Variants in NAA11 observed in about 807,000 individuals in gnomAD.
The protein encoded by NAA11 is N-alpha-acetyltransferase 11.
Under a neutral mutation model 16.1 loss-of-function variants are expected in NAA11, and 15 were observed. The ratio of observed to expected loss-of-function variants is 0.93; its 90% CI spans 0.62 to 1.44. The LOEUF (loss-of-function observed/expected upper bound fraction) is 1.44. Ranked by LOEUF, NAA11 falls within the 40% of genes most tolerant of loss-of-function variation. The probability of loss-of-function intolerance (pLI) is 0.00; values close to 1 mark genes in which losing one functional copy is unlikely to be tolerated. For synonymous variants in NAA11, 122 were observed against 112.4 expected (o/e 1.09, Z -0.54); for missense variants, 298 against 291.3 (o/e 1.02, Z -0.17).
chr4:79,283,525 A>T (rs1722841884), intron 2 of NAA11, among the ~76,000 whole-genome samples: 1 of 152,096 alleles, frequency 6.6e-6, no homozygotes, highest in South Asian at 2.1e-4. Flanking sequence ...AGATGAGGGA[A>T]TTTCTGTTTG....
chr4:79,268,236 A>G (rs1722394797), intron 2 of NAA11, among the ~76,000 whole-genome samples: 1 of 152,288 alleles, frequency 6.6e-6, no homozygotes, highest in African/African-American at 2.4e-5. Flanking sequence ...GGATGGCCTT[A>G]CATATCAATA....
chr4:79,180,715 C>T, the NAA11 span, among the ~76,000 whole-genome samples: 1 of 151,448 alleles, frequency 6.6e-6, no homozygotes, highest in African/African-American at 2.4e-5. Context: ...TTTGACCCAG[C>T]CATCCCATTA....
chr4:79,311,278 A>G (rs1381675176), intron 1 of NAA11, among the ~76,000 whole-genome samples: 3 of 152,250 alleles, frequency 2.0e-5, no homozygotes, highest in African/African-American at 7.2e-5. Flanking sequence ...CCCAATTATT[A>G]TAACAACTAC....
At chr4:79,216,425 A>G in the NAA11 span, among the ~76,000 whole-genome samples, 1 of 152,086 alleles carries the variant, frequency 6.6e-6, no homozygotes, top group Non-Finnish European at 1.5e-5. Flanking sequence ...TACATTTTGA[A>G]AGATTTCTTT....
chr4:79,283,308 A>T (rs1722837422), intron 2 of NAA11, among the ~76,000 whole-genome samples: 1 of 152,086 alleles, frequency 6.6e-6, no homozygotes, highest in African/African-American at 2.4e-5. Context: ...GGTTTTTTTA[A>T]TGCTAATGAA....
chr4:79,322,965 C>T (rs1255727345), intron 1 of NAA11, among the ~76,000 whole-genome samples: 4 of 151,974 alleles, frequency 2.6e-5, no homozygotes, highest in South Asian at 2.1e-4. Flanking sequence ...GTTATAGCTT[C>T]GGTTTTGGCA....
At chr4:79,201,469 T>C in the NAA11 span, among the ~76,000 whole-genome samples, 4 of 151,802 alleles carry the variant, frequency 2.6e-5, no homozygotes, top group African/African-American at 7.2e-5. Context: ...TTCATATTTA[T>C]TTTACTTTCT....
chr4:79,249,532 C>A (rs1017851900), intron 2 of NAA11, among the ~76,000 whole-genome samples: 4 of 152,120 alleles, frequency 2.6e-5, no homozygotes, highest in Non-Finnish European at 5.9e-5. Context: ...CAAACACCGG[C>A]TCTCTGAAAT....
chr4:79,287,694 G>GGA (rs143719268), intron 2 of NAA11, among the ~76,000 whole-genome samples: 2,156 of 145,932 alleles, frequency 0.015, 43 homozygotes, highest in African/African-American at 0.045. Context: ...AGAGAAAGAG[G>GGA]GAGAGAGAGA....
intron 2 of NAA11, among the ~76,000 whole-genome samples, chr4:79,273,385 T>C (rs915238469): frequency 6.6e-6 from 1 of 152,004 alleles, no homozygotes; most frequent in African/African-American, 2.4e-5. Flanking sequence ...AGAAAGCCAA[T>C]TTCAGACATA....
chr4:79,170,962 C>T, the NAA11 span, among the ~76,000 whole-genome samples: 123,831 of 152,088 alleles, frequency 0.81, 52,813 homozygotes, highest in East Asian at 1. Context: ...TCACTAAAAT[C>T]CAAGCTATGA....
chr4:79,311,487 A>C (rs1723767491), intron 1 of NAA11, among the ~76,000 whole-genome samples: 1 of 152,204 alleles, frequency 6.6e-6, no homozygotes, highest in South Asian at 2.1e-4. Flanking sequence ...CTCTGAATTC[A>C]GATTTCTATC....
chr4:79,302,373 CTTG>C, intron 1 of NAA11, among the ~76,000 whole-genome samples: 1 of 152,248 alleles, frequency 6.6e-6, no homozygotes, highest in East Asian at 1.9e-4. Context: ...CTGATTTATT[CTTG>C]TTAAGTTTAG....
chr4:79,196,907 G>A, the NAA11 span, among the ~76,000 whole-genome samples: 2 of 134,064 alleles, frequency 1.5e-5, no homozygotes, highest in African/African-American at 5.7e-5. Flanking sequence ...GAAGATAGAA[G>A]GGGCCATGAA....
At chr4:79,217,716 C>G in the NAA11 span, among the ~76,000 whole-genome samples, 1 of 152,098 alleles carries the variant, frequency 6.6e-6, no homozygotes, top group Admixed American at 6.6e-5. Context: ...TAGCTGATAT[C>G]AGTTGATGAT....
At chr4:79,224,686 G>A (rs1217855697), downstream of NAA11, among the ~76,000 whole-genome samples, 1 of 151,984 alleles carries the variant, frequency 6.6e-6, no homozygotes, top group Non-Finnish European at 1.5e-5. Flanking sequence ...TGTTATGAAG[G>A]GATTGTGGTG....
chr4:79,246,406 A>C (rs1380888542), intron 2 of NAA11, among the ~76,000 whole-genome samples: 1 of 129,164 alleles, frequency 7.7e-6, no homozygotes, highest in Non-Finnish European at 1.7e-5. Context: ...AAAAGAAAAA[A>C]TAAGAATTTG....
At chr4:79,255,203 A>G (rs1722080850) in intron 2 of NAA11, among the ~76,000 whole-genome samples, 1 of 152,190 alleles carries the variant, frequency 6.6e-6, no homozygotes, top group African/African-American at 2.4e-5. Context: ...AGCATACATT[A>G]TAACAACTTT....
In NAA11 at chr4:79,255,283, T is replaced by C. The variant is rs552924887; in HGVS notation, c.*123-29013A>G. On this transcript the variant is annotated intron_variant and NMD_transcript_variant, in intron 2 of 2. Transcript: ENST00000511542. ...TATGAAATGAATTGCTCTAAATATTTTTGTACATGTCTTTGGTGGGCATAT... is the reference window on the plus strand; with the variant it reads ...TATGAAATGAATTGCTCTAAATATTCTTGTACATGTCTTTGGTGGGCATAT... Among the ~76,000 whole-genome samples, 69 of 152,320 alleles carry C rather than the reference T, an allele frequency of 4.5e-4. 1 individual carries two copies. The highest frequency in any genetic ancestry group is 6.8e-3 in the Middle Eastern group (2 of 294).
Sources: allele counts gnomAD v4.1 joint callset (sites outside exome capture counted in the v4.1 genomes callset), GRCh38; gene constraint gnomAD v4.1.1; transcripts MANE v1.5; gene names NCBI Gene and HGNC (gene_info 2026-07-23, HGNC 2026-07-21).